FLOT2: variants seen among roughly 807,000 people sequenced by gnomAD.
FLOT2 encodes flotillin 2, also known as flotillin-2.
Under a neutral mutation model 54.9 loss-of-function variants are expected in FLOT2, and 35 were observed. The ratio of observed to expected loss-of-function variants is 0.64; its 90% CI spans 0.49 to 0.84. FLOT2 has a LOEUF of 0.84. Ranked by LOEUF, FLOT2 falls within the 40% of genes least tolerant of loss-of-function variation. FLOT2 has a pLI of 0.00. For missense variants in FLOT2, 464 were observed against 572.1 expected (o/e 0.81, Z 1.93); for synonymous variants, 207 against 228.9 (o/e 0.90, Z 0.86).
At chr17:28,885,846 T>A in intron 2 of FLOT2, 1 of 1,518,592 alleles carries the variant, frequency 6.6e-7, no homozygotes, top group African/African-American at 1.4e-5. Context: ...AGGAAGCAGG[T>A]GGGTTATTAC....
At position 28,885,446 on chromosome 17, in the gene FLOT2, C is replaced by T. The variant is rs117969084; in HGVS notation, c.132-1131G>A. 1.9e-3 allele frequency among the ~76,000 whole-genome samples: 287 copies of T among 152,280 alleles called. No individual in the cohort carries two copies. The East Asian group carries it at 0.032, about 17-fold the overall frequency. ...GTTCGCTCCTGCAGTCCACATGCCT[C>T]AAACTGAGAAGGTGCTCAGTAGAGA... On this transcript the variant is annotated intron_variant, in intron 2 of 10. Coordinates refer to ENST00000394908, the MANE Select transcript of FLOT2 (RefSeq NM_004475.3).
chr17:28,884,235 C>T lies in FLOT2; in HGVS notation c.212G>A (p.Gly71Asp), dbSNP rs2039504224. The change falls in exon 3 of 11, where the codon GGT becomes GAT. Residue 71 changes from glycine (G) to aspartate (D), a missense_variant. By Grantham distance (94) the Gly-to-Asp change is moderately conservative. Transcript: ENST00000394908. The surrounding 1 kb of genome is among the most constrained non-coding windows in gnomAD (Gnocchi z 5.1). ...TAEGVALTVTGVAQVKIMTEK... is the reference protein window; with the variant it reads ...TAEGVALTVTDVAQVKIMTEK... ...GCTGAGTTACTATACCTGGGCGACA[C>T]CCGTCACAGTTAAAGCTACCCCCTC... 6.2e-7 allele frequency: 1 copy of T among 1,612,476 alleles called. No homozygotes were observed. Among genetic ancestry groups the T allele is most frequent in the Admixed American group, 1.7e-5 (1 of 59,984 alleles).
In FLOT2 at chr17:28,884,158, C is replaced by T; in HGVS notation, c.222+67G>A. 7 of 1,188,278 alleles carry T rather than the reference C, an allele frequency of 5.9e-6. No homozygotes were observed. In the South Asian group the frequency reaches 8.5e-5, roughly 14 times the overall value. 73.6% of individuals were successfully genotyped at this position (1,188,278 alleles called of 1,614,324 possible). Reference sequence around the variant, plus strand: ...CCCCTGGCTGCTGTCCTCTCCTCCTCCCCCCGAACCCGAGTACGGGACCAG... The same window carrying T: ...CCCCTGGCTGCTGTCCTCTCCTCCTTCCCCCGAACCCGAGTACGGGACCAG... On this transcript the variant is annotated intron_variant, in intron 3 of 10. Transcript: ENST00000394908. The surrounding 1 kb of genome is among the most constrained non-coding windows in gnomAD (Gnocchi z 5.1).
At position 28,880,281 on chromosome 17, in the gene FLOT2, T is replaced by TG; in HGVS notation, c.*279dup. The stretch of plus-strand genomic sequence containing the variant: ...TTCAGCTTAATCTACATGATGTGCA[T>TG]GGGGGAAAGAAAAAGACAGACAAAG... On this transcript the variant is annotated 3_prime_UTR_variant, in exon 11 of 11. Transcript: ENST00000394908. 1 of 1,325,464 alleles carries TG rather than the reference T, an allele frequency of 7.5e-7. No homozygotes were observed. The highest frequency in any genetic ancestry group is 3.0e-5 in the East Asian group (1 of 32,822). 82.1% of individuals were successfully genotyped at this position (1,325,464 alleles called of 1,614,324 possible). A position where few individuals can be genotyped will look rare whatever the true frequency, so the allele number is the denominator to read the frequency against.
In FLOT2 at chr17:28,882,943, C is replaced by A; in HGVS notation, c.346+165G>T. The A allele has an allele frequency of 1.4e-6, 1 of 727,554 alleles. No homozygotes were observed. The highest frequency in any genetic ancestry group is 1.8e-5 in the South Asian group (1 of 54,556). 45.1% of individuals were successfully genotyped at this position (727,554 alleles called of 1,614,324 possible). A position where few individuals can be genotyped will look rare whatever the true frequency, so the allele number is the denominator to read the frequency against. ...CCCCCATCCCACCCCTTCACTCATA[C>A]CCTCTCCTTAACTCAAGTCACCTGA... is the stretch of plus-strand genomic sequence containing the variant. On this transcript the variant is annotated intron_variant, in intron 4 of 10. Coordinates refer to ENST00000394908, the MANE Select transcript of FLOT2 (RefSeq NM_004475.3). The surrounding 1 kb of genome is among the most constrained non-coding windows in gnomAD (Gnocchi z 5.6).
Position 28,883,087 on chromosome 17 carries a change from A to G in FLOT2, c.346+21T>C. 2 of 1,613,362 alleles carry G rather than the reference A, an allele frequency of 1.2e-6. No individual in the cohort carries two copies. The highest frequency in any genetic ancestry group is 1.3e-5 in the African/African-American group (1 of 75,038). The stretch of plus-strand genomic sequence containing the variant: ...GCTTAGGGGCCCCGTGAGGCTCCTC[A>G]AAGGCTGAACAGGGCCTCACCGAGG... On this transcript the variant is annotated intron_variant, in intron 4 of 10. Transcript: ENST00000394908. This position sits in a 1 kb window ranked among gnomAD's most constrained non-coding sequence, Gnocchi z 5.0.
intron 2 of FLOT2, chr17:28,886,043 C>A: frequency 1.6e-6 from 1 of 637,310 alleles, no homozygotes. Flanking sequence ...AGCACCGATG[C>A]CTGACGCCTG....
At chr17:28,881,756 G>A in intron 8 of FLOT2, 58 bp downstream of exon 8, 4 of 1,460,058 alleles carry the variant, frequency 2.7e-6, no homozygotes, top group Non-Finnish European at 3.8e-6. Context: ...TAGAGGGAGT[G>A]CACTGAAGGC....
Position 28,880,817 on chromosome 17 carries a change from C to T in FLOT2, c.1144G>A (p.Val382Met). ...AAPLTKVDEI[V>M]VLSGDNSKVT... The stretch of plus-strand genomic sequence containing the variant: ...TTACTGTTGTCTCCACTGAGGACCA[C>T]AATCTCATCGACCTTGGTAAGTGGG... Residue 382 changes from valine (V) to methionine (M), a missense_variant, in exon 10 of 11, where the codon GTG becomes ATG. By Grantham distance (21) the Val-to-Met change is conservative. Coordinates refer to ENST00000394908, the MANE Select transcript of FLOT2 (RefSeq NM_004475.3). The T allele has an allele frequency of 6.2e-7, 1 of 1,614,178 alleles. No homozygotes were observed. Among genetic ancestry groups the T allele is most frequent in the Admixed American group, 1.7e-5 (1 of 60,034 alleles).
rs1326142118 is a variant in FLOT2, at chr17:28,883,363, G to A, written c.223-132C>T. The A allele has an allele frequency of 7.1e-6, 8 of 1,124,084 alleles. No individual in the cohort carries two copies. In the Admixed American group the frequency reaches 1.2e-4, roughly 17 times the overall value. 69.6% of individuals were successfully genotyped at this position (1,124,084 alleles called of 1,614,324 possible). ...TCAGACCTGGAGGCCCTGGGGGGCT[G>A]GAATCTGTCTGAAGCCTCTAGTGGG... is the stretch of plus-strand genomic sequence containing the variant. On this transcript the variant is annotated intron_variant, in intron 3 of 10. Coordinates refer to ENST00000394908, the MANE Select transcript of FLOT2 (RefSeq NM_004475.3). This position sits in a 1 kb window ranked among gnomAD's most constrained non-coding sequence, Gnocchi z 5.0.
chr17:28,883,790 C>T lies in FLOT2; in HGVS notation c.222+435G>A, dbSNP rs1299781295. Among the ~76,000 whole-genome samples, 1 of 152,096 alleles carries T rather than the reference C, an allele frequency of 6.6e-6. No individual in the cohort carries two copies. The highest frequency in any genetic ancestry group is 6.5e-5 in the Admixed American group (1 of 15,272). On this transcript the variant is annotated intron_variant, in intron 3 of 10. Transcript: ENST00000394908. This position sits in a 1 kb window ranked among gnomAD's most constrained non-coding sequence, Gnocchi z 5.0. Reference sequence around the variant, plus strand: ...AGGAAGCCCTCACCTAGGCCCTCAGCAGGGGATATGATGCAGCCTCCGACT... The same window carrying T: ...AGGAAGCCCTCACCTAGGCCCTCAGTAGGGGATATGATGCAGCCTCCGACT...
chr17:28,886,058 C>A, intron 2 of FLOT2: 1 of 472,744 alleles, frequency 2.1e-6, no homozygotes. Context: ...CGCCTGGGGG[C>A]GGGGGGGGGC....
rs772130925 is a variant in FLOT2 at position 28,881,804 on chromosome 17, C to G, written c.914+10G>C. 2 of 1,611,644 alleles carry G rather than the reference C, an allele frequency of 1.2e-6. No homozygotes were observed. Among genetic ancestry groups the G allele is most frequent in the South Asian group, 1.1e-5 (1 of 91,052 alleles). On this transcript the variant is annotated intron_variant, in intron 8 of 10. Transcript: ENST00000394908. ...CTAAGCCCTGACCCCGGCACCTGGG[C>G]GGCTCTCACTTTTCACCCTCGGCAA...
chr17:28,886,308 C>T (rs539438145), intron 2 of FLOT2, among the ~76,000 whole-genome samples: 53 of 152,354 alleles, frequency 3.5e-4, no homozygotes, highest in African/African-American at 1.2e-3. Context: ...GGGATCCTGT[C>T]GCAATCTGGG....
In FLOT2 at chr17:28,897,056, G is replaced by A. The variant is rs1385883088; in HGVS notation, c.49+470C>T. ...AAGCCCCAGCCTGCTTGGAATTAACGGGTCTGACTGTGCCGAGAAACGACC... is the reference window on the plus strand; with the variant it reads ...AAGCCCCAGCCTGCTTGGAATTAACAGGTCTGACTGTGCCGAGAAACGACC... On this transcript the variant is annotated intron_variant, in intron 1 of 10. Coordinates refer to ENST00000394908, the MANE Select transcript of FLOT2 (RefSeq NM_004475.3). This position sits in a 1 kb window ranked among gnomAD's most constrained non-coding sequence, Gnocchi z 4.4. 7.9e-5 allele frequency among the ~76,000 whole-genome samples: 12 copies of A among 152,216 alleles called. No individual in the cohort carries two copies. The highest frequency in any genetic ancestry group is 1.3e-4 in the Admixed American group (2 of 15,288).
At chr17:28,890,511 C>T (rs1157234241) in intron 1 of FLOT2, among the ~76,000 whole-genome samples, 23 of 152,024 alleles carry the variant, frequency 1.5e-4, no homozygotes, top group African/African-American at 5.1e-4. Flanking sequence ...CTCAGCCTCC[C>T]GAATAGCTGG....
intron 1 of FLOT2, among the ~76,000 whole-genome samples, chr17:28,895,021 C>T (rs897525388): frequency 1.4e-5 from 2 of 147,138 alleles, no homozygotes; most frequent in African/African-American, 2.5e-5. Context: ...AAGCGATCCT[C>T]CCACCTCAGC....
intron 1 of FLOT2, among the ~76,000 whole-genome samples, chr17:28,891,974 G>A (rs1179516279): frequency 6.6e-6 from 1 of 152,206 alleles, no homozygotes; most frequent in East Asian, 1.9e-4. Flanking sequence ...CAGAACCAGA[G>A]GTCCAGGGAT....
At chr17:28,886,646 C>T (rs2039551591) in intron 2 of FLOT2, among the ~76,000 whole-genome samples, 1 of 152,148 alleles carries the variant, frequency 6.6e-6, no homozygotes, top group Non-Finnish European at 1.5e-5. Context: ...GCTCCCTGGC[C>T]CATCCTGGCT....
Sources: allele counts gnomAD v4.1 joint callset (sites outside exome capture counted in the v4.1 genomes callset), GRCh38; gene constraint gnomAD v4.1.1; non-coding constraint Gnocchi (gnomAD v3.1); transcripts MANE v1.5; gene names NCBI Gene and HGNC (gene_info 2026-07-23, HGNC 2026-07-21).